Variants in CAMKMT observed in about 807,000 individuals in gnomAD.
CAMKMT encodes CaM KMT.
In CAMKMT, 53 loss-of-function variants were observed where a neutral mutation model predicts 48.0. That is an observed-to-expected ratio of 1.10 (90% CI 0.89 to 1.39). The LOEUF is 1.39. CAMKMT is among the 40% of genes most tolerant of loss of function. The probability of loss-of-function intolerance (pLI) is 0.00; values close to 1 mark genes in which losing one functional copy is unlikely to be tolerated. For missense variants in CAMKMT, 428 were observed against 402.7 expected (o/e 1.06, Z -0.54); for synonymous variants, 165 against 152.3 (o/e 1.08, Z -0.61).
intron 3 of CAMKMT, among the ~76,000 whole-genome samples, chr2:44,501,733 A>G (rs963543891): frequency 6.6e-6 from 1 of 152,106 alleles, no homozygotes. Context: ...GAAAACGTAA[A>G]GGAGCTGGGC....
At chr2:44,679,444 GGA>G (rs1675894439) in intron 3 of CAMKMT, among the ~76,000 whole-genome samples, 1 of 152,086 alleles carries the variant, frequency 6.6e-6, no homozygotes, top group Admixed American at 6.5e-5. Flanking sequence ...ACTTCTGAGT[GGA>G]GAACTGTAAA....
At chr2:44,558,457 A>T (rs934925712) in intron 3 of CAMKMT, among the ~76,000 whole-genome samples, 1 of 152,202 alleles carries the variant, frequency 6.6e-6, no homozygotes, top group Non-Finnish European at 1.5e-5. Flanking sequence ...TGCTTTTATC[A>T]TCTGTTGTAT....
chr2:44,444,357 A>G (rs2104571470), intron 3 of CAMKMT, among the ~76,000 whole-genome samples: 1 of 152,276 alleles, frequency 6.6e-6, no homozygotes, highest in Non-Finnish European at 1.5e-5. Flanking sequence ...TAAAATTTTG[A>G]TTCTGTTATT....
chr2:44,770,584 C>T (rs1681062489), intron 10 of CAMKMT, among the ~76,000 whole-genome samples: 1 of 152,210 alleles, frequency 6.6e-6, no homozygotes, highest in African/African-American at 2.4e-5. Flanking sequence ...ATTGAGCTAG[C>T]TTGGTCCTCT....
intron 9 of CAMKMT, among the ~76,000 whole-genome samples, chr2:44,760,450 A>G (rs1342241677): frequency 6.6e-6 from 1 of 151,970 alleles, no homozygotes; most frequent in Admixed American, 6.6e-5. Context: ...CTCTACTAAA[A>G]AATACAAAAA....
intron 8 of CAMKMT, among the ~76,000 whole-genome samples, chr2:44,746,229 G>C (rs1216706178): frequency 6.6e-6 from 1 of 152,180 alleles, no homozygotes; most frequent in Non-Finnish European, 1.5e-5. Flanking sequence ...TTTCCAGCAA[G>C]GGTGGCATTG....
intron 3 of CAMKMT, among the ~76,000 whole-genome samples, chr2:44,625,649 A>G (rs1229011907): frequency 6.6e-6 from 1 of 152,100 alleles, no homozygotes; most frequent in Non-Finnish European, 1.5e-5. Flanking sequence ...TTTAGCATTT[A>G]TGTTTAGGAA....
intron 3 of CAMKMT, among the ~76,000 whole-genome samples, chr2:44,675,556 T>A (rs651828): frequency 0.52 from 79,088 of 151,992 alleles, 21,458 homozygotes; most frequent in African/African-American, 0.59. Context: ...GACAAATTAT[T>A]TGTCAGATGT....
chr2:44,586,940 A>G (rs1398041419), intron 3 of CAMKMT, among the ~76,000 whole-genome samples: 2 of 150,218 alleles, frequency 1.3e-5, no homozygotes, highest in African/African-American at 5.0e-5. Context: ...AGCATGGGAA[A>G]GGTCTGTCAA....
At chr2:44,602,886 C>T (rs571110680) in intron 3 of CAMKMT, among the ~76,000 whole-genome samples, 2 of 152,092 alleles carry the variant, frequency 1.3e-5, no homozygotes, top group African/African-American at 4.8e-5. Context: ...AATCGTATCA[C>T]CTGTTTTATC....
chr2:44,390,021 A>C (rs1296689351), intron 2 of CAMKMT, among the ~76,000 whole-genome samples: 1 of 152,220 alleles, frequency 6.6e-6, no homozygotes, highest in African/African-American at 2.4e-5. Flanking sequence ...TAAGATGTAG[A>C]TTAATCATTT....
At chr2:44,413,492 A>G (rs1339098912) in intron 3 of CAMKMT, among the ~76,000 whole-genome samples, 1 of 152,060 alleles carries the variant, frequency 6.6e-6, no homozygotes, top group East Asian at 1.9e-4. Context: ...TGTCTACTAA[A>G]AATACAAAAA....
chr2:44,429,477 C>T (rs115021342), intron 3 of CAMKMT, among the ~76,000 whole-genome samples: 1 of 152,216 alleles, frequency 6.6e-6, no homozygotes, highest in African/African-American at 2.4e-5. Context: ...ACTTCAACAT[C>T]ATTTAACATA....
At chr2:44,634,482 A>G (rs1447668838) in intron 3 of CAMKMT, among the ~76,000 whole-genome samples, 1 of 152,110 alleles carries the variant, frequency 6.6e-6, no homozygotes, top group East Asian at 1.9e-4. Flanking sequence ...AGTCATCACT[A>G]GAAGCAGAAG....
At chr2:44,472,283 C>T (rs1668462128) in intron 3 of CAMKMT, among the ~76,000 whole-genome samples, 1 of 151,952 alleles carries the variant, frequency 6.6e-6, no homozygotes, top group Non-Finnish European at 1.5e-5. Flanking sequence ...CTCTGTTAGC[C>T]AGGATATTAA....
chr2:44,655,702 A>T (rs997042923), intron 3 of CAMKMT, among the ~76,000 whole-genome samples: 1 of 152,206 alleles, frequency 6.6e-6, no homozygotes, highest in African/African-American at 2.4e-5. Context: ...ACGCGATAGG[A>T]TGTAAGAGCA....
At chr2:44,523,292 CTT>C (rs869152391) in intron 3 of CAMKMT, among the ~76,000 whole-genome samples, 16 of 131,194 alleles carry the variant, frequency 1.2e-4, no homozygotes, top group Non-Finnish European at 9.9e-5. Context: ...AGGGGACCCA[CTT>C]TTTTTTTTTT....
chr2:44,445,656 T>G (rs1292053445), intron 3 of CAMKMT, among the ~76,000 whole-genome samples: 95 of 8,602 alleles, frequency 0.011, 2 homozygotes, highest in African/African-American at 0.034. Flanking sequence ...TTTTTTTTTT[T>G]TTTTTTTTTT....
intron 3 of CAMKMT, chr2:44,400,923 TGTG>T (rs1181027805): frequency 8.8e-5 from 2 of 22,714 alleles, no homozygotes; most frequent in Non-Finnish European, 1.9e-4. Flanking sequence ...TGTATACTTA[TGTG>T]TGTGTATATA....
Sources: gnomAD v4.1 joint callset for allele counts (sites outside exome capture counted in the v4.1 genomes callset) on GRCh38, gnomAD v4.1.1 for gene constraint, MANE v1.5 for transcripts, NCBI Gene and HGNC (gene_info 2026-07-23, HGNC 2026-07-21) for gene names.